PLA2G4A: variants seen among roughly 807,000 people sequenced by gnomAD.
PLA2G4A encodes the protein phospholipase A2 group IVA.
In PLA2G4A, 40 loss-of-function variants were observed where a neutral mutation model predicts 81.9. The observed-to-expected ratio is 0.49, with a 90% CI of 0.38 to 0.64. The LOEUF is 0.64. PLA2G4A is among the 30% of genes least tolerant of loss of function. The probability of loss-of-function intolerance (pLI) is 0.00; values close to 1 mark genes in which losing one functional copy is unlikely to be tolerated. For synonymous variants in PLA2G4A, 302 were observed against 296.9 expected, an observed-to-expected ratio of 1.02 and a Z score of -0.18; for missense variants, 715 against 905.1, an observed-to-expected ratio of 0.79 and a Z score of 2.69.
chr1:186,941,112 CA>C lies in PLA2G4A; in HGVS notation c.1033+1036del, dbSNP rs61665159. Among the ~76,000 whole-genome samples, 912 of 107,574 alleles carry C rather than the reference CA, an allele frequency of 8.5e-3. 3 individuals are homozygous for C. The highest frequency in any genetic ancestry group is 0.022 in the African/African-American group (687 of 31,060). 70.6% of individuals were successfully genotyped at this position (107,574 alleles called of 152,430 possible). On this transcript the variant is annotated intron_variant, in intron 10 of 17. Transcript: ENST00000367466. ...GGGGCCATAGAGCGAGACTCCGTCT[CA>C]AAAAAAAAAAAAAAAAAGGGCACAA...
intron 17 of PLA2G4A, among the ~76,000 whole-genome samples, chr1:186,987,463 G>C (rs140881961): frequency 4.6e-5 from 7 of 152,180 alleles, no homozygotes; most frequent in Admixed American, 6.5e-5. Context: ...GACTTGCCTC[G>C]GTTTCCTGAT....
chr1:186,920,541 C>T (rs1202997442), intron 7 of PLA2G4A, among the ~76,000 whole-genome samples: 1 of 152,212 alleles, frequency 6.6e-6, no homozygotes, highest in Admixed American at 6.5e-5. Context: ...AGTCCAGTAG[C>T]CCTTCAGCCA....
chr1:186,955,274 A>T (rs1405667430), intron 13 of PLA2G4A, among the ~76,000 whole-genome samples: 1 of 152,212 alleles, frequency 6.6e-6, no homozygotes, highest in Admixed American at 6.5e-5. Context: ...AGGTCATAAG[A>T]TCAATAGGTC....
At chr1:186,945,336 G>A (rs1043680914) in intron 10 of PLA2G4A, among the ~76,000 whole-genome samples, 6 of 152,170 alleles carry the variant, frequency 3.9e-5, no homozygotes, top group Non-Finnish European at 8.8e-5. Flanking sequence ...CACACAGGGA[G>A]TGGGATCTAG....
intron 14 of PLA2G4A, among the ~76,000 whole-genome samples, chr1:186,960,955 A>G (rs888293392): frequency 1.3e-5 from 2 of 152,322 alleles, no homozygotes; most frequent in East Asian, 1.9e-4. Context: ...TATATGAGAC[A>G]TCAGTTTATA....
chr1:186,911,304 G>A lies in PLA2G4A; in HGVS notation c.473G>A (p.Arg158Lys), dbSNP rs766715284. 2 of 1,610,362 alleles carry A rather than the reference G, an allele frequency of 1.2e-6. No homozygotes were observed. ...CTGTGTGATCAGGAGAAGACTTTCA[G>A]ACAACAGAGAAAAGAACACATAAGG... Reference protein sequence around the residue: ...MALCDQEKTFRQQRKEHIRES... With the variant: ...MALCDQEKTFKQQRKEHIRES... Residue 158 changes from arginine (R) to lysine (K), a missense_variant, in exon 7 of 18, where the codon AGA becomes AAA. By Grantham distance (26) the Arg-to-Lys change is conservative (BLOSUM62 2). Transcript: ENST00000367466.
intron 5 of PLA2G4A, among the ~76,000 whole-genome samples, chr1:186,901,599 T>A (rs1441335524): frequency 6.6e-6 from 1 of 151,980 alleles, no homozygotes; most frequent in African/African-American, 2.4e-5. Flanking sequence ...AAAAAAGAAG[T>A]AATAGAGTGG....
At chr1:186,863,068 A>G (rs1402433102) in intron 2 of PLA2G4A, among the ~76,000 whole-genome samples, 1 of 152,224 alleles carries the variant, frequency 6.6e-6, no homozygotes, top group Non-Finnish European at 1.5e-5. Flanking sequence ...TAGTCACTAT[A>G]AACTCATGAT....
chr1:186,948,827 C>A (rs1018050985), intron 12 of PLA2G4A, among the ~76,000 whole-genome samples: 5 of 152,050 alleles, frequency 3.3e-5, no homozygotes, highest in Non-Finnish European at 7.4e-5. Context: ...TATGTGTGAT[C>A]CGCCAGTCAG....
At chr1:186,956,014 A>G in intron 13 of PLA2G4A, 88 bp from the exon 14 acceptor site, 6 of 1,167,336 alleles carry the variant, frequency 5.1e-6, no homozygotes, top group Non-Finnish European at 7.6e-6. Flanking sequence ...TGCTAGGATT[A>G]CAGGCGTGAG....
chr1:186,946,806 C>G, intron 11 of PLA2G4A, 32 bp downstream of exon 11: 1 of 1,597,742 alleles, frequency 6.3e-7, no homozygotes, highest in South Asian at 1.1e-5. Flanking sequence ...ATATCATTGA[C>G]TTGCTTGACT....
intron 15 of PLA2G4A, among the ~76,000 whole-genome samples, chr1:186,973,812 C>T (rs1657440504): frequency 1.3e-5 from 2 of 152,152 alleles, no homozygotes; most frequent in South Asian, 4.1e-4. Context: ...ATAATTAATT[C>T]TAACTTGTAG....
chr1:186,908,198 T>C (rs910076769), intron 6 of PLA2G4A, among the ~76,000 whole-genome samples: 8 of 152,048 alleles, frequency 5.3e-5, no homozygotes, highest in Non-Finnish European at 1.2e-4. Context: ...AAATAATGCA[T>C]AAAAGTAAAT....
At chr1:186,869,483 A>T (rs1653160712) in intron 2 of PLA2G4A, among the ~76,000 whole-genome samples, 1 of 152,146 alleles carries the variant, frequency 6.6e-6, no homozygotes, top group Non-Finnish European at 1.5e-5. Flanking sequence ...TACAGAAGCT[A>T]TTGAGTGCTG....
At chr1:186,897,947 A>T (rs1174122073) in intron 5 of PLA2G4A, among the ~76,000 whole-genome samples, 1 of 151,704 alleles carries the variant, frequency 6.6e-6, no homozygotes, top group Non-Finnish European at 1.5e-5. Context: ...TAGTTTTTCA[A>T]CTCTTGCTCC....
chr1:186,835,045 G>T (rs1651729386), intron 1 of PLA2G4A, among the ~76,000 whole-genome samples: 1 of 152,048 alleles, frequency 6.6e-6, no homozygotes, highest in Admixed American at 6.6e-5. Flanking sequence ...ACTATGATGT[G>T]GTAATAAATA....
At chr1:186,938,910 T>C in intron 8 of PLA2G4A, 98 bp from the exon 9 acceptor site, 1 of 746,794 alleles carries the variant, frequency 1.3e-6, no homozygotes, top group Non-Finnish European at 2.5e-6. Context: ...TAACCAAATA[T>C]GTCCACCATG....
At chr1:186,949,387 G>GAAA (rs71108303) in intron 12 of PLA2G4A, among the ~76,000 whole-genome samples, 6 of 145,196 alleles carry the variant, frequency 4.1e-5, no homozygotes, top group African/African-American at 1.3e-4. Context: ...AAGAAAGAAA[G>GAAA]AAAAAAGAAA....
intron 13 of PLA2G4A, among the ~76,000 whole-genome samples, chr1:186,952,733 A>G (rs1180504614): frequency 5.4e-5 from 1 of 18,416 alleles, no homozygotes; most frequent in African/African-American, 2.7e-4. Flanking sequence ...CCCAACCCCT[A>G]ACAAGCACTA....
Sources: allele counts gnomAD v4.1 joint callset (sites outside exome capture counted in the v4.1 genomes callset), GRCh38; gene constraint gnomAD v4.1.1; transcripts MANE v1.5; gene names NCBI Gene and HGNC (gene_info 2026-07-23, HGNC 2026-07-21).